The following TGM5 variants were observed in gnomAD, a reference collection of about 807,000 sequenced individuals.
TGM5 encodes protein-glutamine gamma-glutamyltransferase 5.
A neutral mutation model predicts 77.2 loss-of-function variants in TGM5; 69 were observed. The ratio of observed to expected loss-of-function variants is 0.89; its 90% CI spans 0.74 to 1.09. The LOEUF (loss-of-function observed/expected upper bound fraction) is 1.09. Ranked by LOEUF, TGM5 falls within the 50% of genes least tolerant of loss-of-function variation. The pLI is 0.00. For missense variants in TGM5, 842 were observed against 896.5 expected (o/e 0.94, Z 0.78); for synonymous variants, 346 against 351.8 (o/e 0.98, Z 0.18).
At chr15:43,241,054 C>G in intron 6 of TGM5, 64 bp from the exon 7 acceptor site, 1 of 1,608,402 alleles carries the variant, frequency 6.2e-7, no homozygotes, top group South Asian at 1.1e-5. Flanking sequence ...TATTCCTGGA[C>G]TTTGGGGCCT....
At chr15:43,244,262 C>G (rs1053679535) in intron 6 of TGM5, among the ~76,000 whole-genome samples, 5 of 152,234 alleles carry the variant, frequency 3.3e-5, no homozygotes, top group African/African-American at 1.2e-4. Context: ...TAGAGTTGAG[C>G]TCATATAAGA....
intron 3 of TGM5, among the ~76,000 whole-genome samples, chr15:43,259,756 C>T (rs536798006): frequency 6.6e-6 from 1 of 152,108 alleles, no homozygotes; most frequent in Non-Finnish European, 1.5e-5. Context: ...ACGAAAAATA[C>T]TCTAGTTAAC....
intron 1 of TGM5, among the ~76,000 whole-genome samples, chr15:43,266,078 GC>G (rs1403767743): frequency 2.6e-5 from 4 of 152,236 alleles, no homozygotes; most frequent in Non-Finnish European, 1.5e-5. Flanking sequence ...AGATGAGGCT[GC>G]CATTGGGGAT....
At chr15:43,236,152 A>G (rs1232283380) in intron 9 of TGM5, among the ~76,000 whole-genome samples, 1 of 152,180 alleles carries the variant, frequency 6.6e-6, no homozygotes, top group East Asian at 1.9e-4. Flanking sequence ...ACTAGTAAGG[A>G]GCAGATCCCA....
In TGM5 at chr15:43,233,430, G is replaced by A. The variant is rs1041089670; in HGVS notation, c.2010-86C>T. The A allele has an allele frequency of 1.9e-6, 3 of 1,609,860 alleles. No homozygotes were observed. In the African/African-American group the frequency reaches 4.0e-5, roughly 22 times the overall value. On this transcript the variant is annotated intron_variant, in intron 12 of 12. Coordinates refer to ENST00000220420, the MANE Select transcript of TGM5 (RefSeq NM_201631.4). ...TTTCCACCCAGCTTCCTGAGTGGGA[G>A]GGAGTGCTTCCACTTTCCCTTCCCC...
In TGM5 at chr15:43,260,260, C is replaced by CA; in HGVS notation, c.227dup (p.Phe77ValfsTer78). On this transcript the variant is annotated frameshift_variant, in exon 3 of 13. Coordinates refer to ENST00000220420, the MANE Select transcript of TGM5 (RefSeq NM_201631.4). LOFTEE classifies it high-confidence loss of function. ...GGCTGTGATGGCGTGCCAGGCTGAA[C>CA]ACAGCCCGAGTCCCCAAGGCCAGGT... The CA allele has an allele frequency of 6.2e-7, 1 of 1,614,036 alleles. No homozygotes were observed. The highest frequency in any genetic ancestry group is 8.5e-7 in the Non-Finnish European group (1 of 1,180,020).
intron 12 of TGM5, 42 bp from the exon 13 acceptor site, chr15:43,233,386 A>G (rs1341588190): frequency 1.9e-6 from 3 of 1,611,896 alleles, no homozygotes; most frequent in Non-Finnish European, 2.5e-6. Flanking sequence ...CAAAAGCATG[A>G]TAATGACCCT....
chr15:43,256,552 C>G lies in TGM5; in HGVS notation c.555+16G>C, dbSNP rs754852891. ...GCTCGGGGCCGGGATGGGCCATAAG[C>G]AGGGCTGAGACTCACCTGTCCATAG... On this transcript the variant is annotated intron_variant, in intron 4 of 12. Transcript: ENST00000220420. 8.1e-6 allele frequency: 13 copies of G among 1,602,840 alleles called. No homozygotes were observed. The highest frequency in any genetic ancestry group is 1.1e-5 in the Non-Finnish European group (13 of 1,169,776).
intron 7 of TGM5, 184 bp from the exon 8 acceptor site, chr15:43,239,450 G>T: frequency 1.5e-6 from 1 of 664,728 alleles, no homozygotes; most frequent in Non-Finnish European, 2.7e-6. Context: ...GGGAGTCTGA[G>T]GTGAGAGGAT....
At chr15:43,252,409 C>A (rs1396671758) in intron 6 of TGM5, among the ~76,000 whole-genome samples, 1 of 152,180 alleles carries the variant, frequency 6.6e-6, no homozygotes, top group African/African-American at 2.4e-5. Context: ...CTCTGCCCCC[C>A]CGGGTTCAAG....
Position 43,252,808 on chromosome 15 carries a change from C to T in TGM5, c.813G>A (p.Gln271=). 11 of 1,614,104 alleles carry T rather than the reference C, an allele frequency of 6.8e-6. No individual in the cohort carries two copies. Among genetic ancestry groups the T allele is most frequent in the Non-Finnish European group, 9.3e-6 (11 of 1,180,030 alleles). ...ILKQWNATGC[Q]PVRYGQCWVF... ...CCCAGCATTGCCCGTAGCGCACGGG[C>T]TGGCAGCCTGTGGCGTTCCACTGCT... The change falls in exon 6 of 13, where the codon CAG becomes CAA. Residue 271 remains glutamine, a synonymous_variant. Coordinates refer to ENST00000220420, the MANE Select transcript of TGM5 (RefSeq NM_201631.4).
intron 4 of TGM5, 66 bp downstream of exon 4, chr15:43,256,502 T>G: frequency 2.5e-6 from 3 of 1,219,712 alleles, no homozygotes; most frequent in South Asian, 2.4e-5. Flanking sequence ...GAAGCTCACA[T>G]GTGCCCTGCT....
intron 6 of TGM5, among the ~76,000 whole-genome samples, chr15:43,247,301 A>G (rs1414566956): frequency 1.3e-5 from 2 of 152,094 alleles, no homozygotes; most frequent in Non-Finnish European, 2.9e-5. Context: ...AAAATGGGCA[A>G]GCATGCAAAG....
intron 1 of TGM5, among the ~76,000 whole-genome samples, chr15:43,266,633 G>T (rs891642272): frequency 6.6e-5 from 10 of 152,204 alleles, no homozygotes; most frequent in African/African-American, 1.4e-4. Context: ...GCAGCTGTGT[G>T]CTGTGTTTAC....
chr15:43,247,786 T>C (rs1015010538), intron 6 of TGM5: 1 of 152,008 alleles, frequency 6.6e-6, no homozygotes, highest in East Asian at 1.9e-4. Flanking sequence ...CCCTAAAAAA[T>C]AAACAAAAAT....
chr15:43,258,845 A>C (rs892246398), intron 3 of TGM5, among the ~76,000 whole-genome samples: 1 of 152,152 alleles, frequency 6.6e-6, no homozygotes, highest in African/African-American at 2.4e-5. Flanking sequence ...CCCACTGCTC[A>C]GAAGGCCCTG....
chr15:43,241,335 T>C (rs1327190651), intron 6 of TGM5: 2 of 374,530 alleles, frequency 5.3e-6, no homozygotes, highest in East Asian at 1.2e-4. Context: ...ATTTCTCTTC[T>C]GGCCCTAAAT....
intron 3 of TGM5, among the ~76,000 whole-genome samples, chr15:43,259,409 AAT>A (rs2042768472): frequency 6.6e-6 from 1 of 152,072 alleles, no homozygotes; most frequent in Non-Finnish European, 1.5e-5. Context: ...TGCTAAGAAG[AAT>A]GCTCCGATAG....
At chr15:43,241,103 A>T in intron 6 of TGM5, 113 bp from the exon 7 acceptor site, 2 of 1,380,830 alleles carry the variant, frequency 1.4e-6, no homozygotes, top group Non-Finnish European at 2.0e-6. Context: ...CTGCAGGAAC[A>T]TGCTGGAGCT....
Sources: allele counts gnomAD v4.1 joint callset (sites outside exome capture counted in the v4.1 genomes callset), GRCh38; gene constraint gnomAD v4.1.1; transcripts MANE v1.5; gene names NCBI Gene and HGNC (gene_info 2026-07-23, HGNC 2026-07-21).